WDR27: variants seen among roughly 807,000 people sequenced by gnomAD.
WDR27 encodes the protein WD repeat domain 27.
WDR27 carries 100 observed loss-of-function variants against 114.4 expected under a neutral mutation model. The ratio of observed to expected loss-of-function variants is 0.87; its 90% confidence interval spans 0.74 to 1.03. WDR27 has a LOEUF of 1.03. Among genes scored for constraint, WDR27 ranks in the 50% least tolerant of loss-of-function variants. WDR27 has a pLI of 0.00. For missense variants in WDR27, 1,129 were observed against 1,092.9 expected (o/e 1.03, Z -0.47); for synonymous variants, 449 against 423.1 (o/e 1.06, Z -0.75).
chr6:169,457,968 C>T (rs1784460940), intron 25 of WDR27, among the ~76,000 whole-genome samples: 1 of 35,734 alleles, frequency 2.8e-5, no homozygotes. Flanking sequence ...GGAGAGCACT[C>T]CTGACGGAGG....
At chr6:169,604,113 G>A (rs1289667201) in intron 22 of WDR27, among the ~76,000 whole-genome samples, 1 of 151,986 alleles carries the variant, frequency 6.6e-6, no homozygotes, top group Non-Finnish European at 1.5e-5. Flanking sequence ...AAAGACCAGA[G>A]CAGAATTAAA....
chr6:169,655,851 C>T (rs1824029840), intron 13 of WDR27, among the ~76,000 whole-genome samples: 1 of 152,218 alleles, frequency 6.6e-6, no homozygotes, highest in African/African-American at 2.4e-5. Context: ...TCCTGAGTAG[C>T]TGGGACTACA....
chr6:169,550,864 C>T (rs922202546), intron 25 of WDR27, among the ~76,000 whole-genome samples: 5 of 152,110 alleles, frequency 3.3e-5, no homozygotes, highest in South Asian at 2.1e-4. Flanking sequence ...CACAGGCATG[C>T]GCCACCACGC....
At chr6:169,656,686 G>A (rs1824296735) in intron 13 of WDR27, among the ~76,000 whole-genome samples, 1 of 152,148 alleles carries the variant, frequency 6.6e-6, no homozygotes, top group African/African-American at 2.4e-5. Context: ...CCCAGGAGGA[G>A]GCGACAGCTC....
In WDR27 at chr6:169,510,215, T is replaced by C. The variant is rs529038219; in HGVS notation, c.2646-52581A>G. Among the ~76,000 whole-genome samples, 208 of 152,264 alleles carry C rather than the reference T, an allele frequency of 1.4e-3. 4 individuals are homozygous for C. The East Asian group carries it at 0.032, about 24-fold the overall frequency. ...AAACTAGTTCAACCATTGTGGAAGT[T>C]GGCGTGGCAATTCCTCAGGGATCTA... On this transcript the variant is annotated intron_variant, in intron 25 of 25. Transcript: ENST00000448612.
chr6:169,583,338 C>G (rs1456634550), intron 23 of WDR27, among the ~76,000 whole-genome samples: 1 of 150,994 alleles, frequency 6.6e-6, no homozygotes, highest in Non-Finnish European at 1.5e-5. Flanking sequence ...ATTGTCCTCC[C>G]CCATAAACTT....
At position 169,636,402 on chromosome 6, in the gene WDR27, G is replaced by A. The variant is rs866775580; in HGVS notation, c.1972C>T (p.His658Tyr). 6.2e-7 allele frequency: 1 copy of A among 1,613,900 alleles called. No homozygotes were observed. The highest frequency in any genetic ancestry group is 8.5e-7 in the Non-Finnish European group (1 of 1,179,842). ...SGPEFQLLRY[H>Y]IDTCKDEIKR... is the part of the protein sequence containing the mutation. ...ATCTCATCTTTGCAAGTGTCAATGT[G>A]ATACCTCAGTAGCTGAAATTCAGGG... The change falls in exon 19 of 26, where the codon CAC becomes TAC. Residue 658 changes from histidine to tyrosine, a missense_variant. Physicochemically the swap from His to Tyr is moderately conservative, Grantham distance 83. Coordinates refer to ENST00000448612, the MANE Select transcript of WDR27 (RefSeq NM_182552.5).
intron 14 of WDR27, 58 bp from the exon 15 acceptor site, chr6:169,649,333 G>A (rs1423597418): frequency 4.0e-5 from 56 of 1,407,944 alleles, no homozygotes; most frequent in Non-Finnish European, 5.4e-5. Context: ...AGTTTCTTAA[G>A]AGATTTATAT....
chr6:169,511,810 T>TA (rs1792932037), intron 25 of WDR27, among the ~76,000 whole-genome samples: 2 of 152,202 alleles, frequency 1.3e-5, no homozygotes, highest in Admixed American at 1.3e-4. Flanking sequence ...TTATCATTCA[T>TA]AAAAAATTGA....
intron 25 of WDR27, among the ~76,000 whole-genome samples, chr6:169,534,714 T>C (rs1283920238): frequency 1.3e-5 from 2 of 151,900 alleles, no homozygotes; most frequent in African/African-American, 4.8e-5. Context: ...TTTTAAAATC[T>C]CTATAAAGTT....
At chr6:169,536,292 G>T (rs1047699012) in intron 25 of WDR27, among the ~76,000 whole-genome samples, 1 of 152,062 alleles carries the variant, frequency 6.6e-6, no homozygotes, top group African/African-American at 2.4e-5. Context: ...TAACAGCAAG[G>T]ACACCCCACT....
At chr6:169,488,780 C>T (rs1364585770) in intron 25 of WDR27, among the ~76,000 whole-genome samples, 1 of 152,144 alleles carries the variant, frequency 6.6e-6, no homozygotes, top group African/African-American at 2.4e-5. Flanking sequence ...CAAGCCAGAG[C>T]TCCCAGTCAC....
chr6:169,623,489 C>A (rs1218997143), intron 21 of WDR27, among the ~76,000 whole-genome samples: 1 of 152,178 alleles, frequency 6.6e-6, no homozygotes, highest in East Asian at 1.9e-4. Flanking sequence ...GGCGGTTACC[C>A]CAGTGGCTCA....
At chr6:169,685,184 C>T (rs780945869) in intron 2 of WDR27, among the ~76,000 whole-genome samples, 7 of 151,852 alleles carry the variant, frequency 4.6e-5, no homozygotes, top group Admixed American at 2.0e-4. Flanking sequence ...CCCTATGAAA[C>T]GTGCTCCATA....
chr6:169,478,624 C>G (rs1310040919), intron 25 of WDR27, among the ~76,000 whole-genome samples: 1 of 151,726 alleles, frequency 6.6e-6, no homozygotes, highest in African/African-American at 2.4e-5. Context: ...ACAAAGCAAT[C>G]TTAAAAAGCA....
At position 169,497,623 on chromosome 6, in the gene WDR27, C is replaced by T. The variant is rs1032253813; in HGVS notation, c.2646-39989G>A. On this transcript the variant is annotated intron_variant, in intron 25 of 25. Transcript: ENST00000448612. ...AATAGACATTTCTCCAAAGAAGATA[C>T]ACAAATGTCCAAGAAGTGCATGAAA... Among the ~76,000 whole-genome samples, 4 of 151,062 alleles carry T rather than the reference C, an allele frequency of 2.6e-5. No individual in the cohort carries two copies. The East Asian group carries it at 7.7e-4, about 29-fold the overall frequency.
At chr6:169,589,469 G>A (rs79102631) in intron 23 of WDR27, among the ~76,000 whole-genome samples, 2,072 of 152,296 alleles carry the variant, frequency 0.014, 52 homozygotes, top group African/African-American at 0.048. Context: ...CCATTTGCAT[G>A]AAACCTCAAA....
At chr6:169,650,643 T>TC (rs1400108818) in intron 14 of WDR27, among the ~76,000 whole-genome samples, 1 of 136,052 alleles carries the variant, frequency 7.4e-6, no homozygotes, top group African/African-American at 2.8e-5. Flanking sequence ...CTCTTATCCC[T>TC]CCATCCCCAC....
At chr6:169,444,137 C>T in the WDR27 span, among the ~76,000 whole-genome samples, 1 of 150,618 alleles carries the variant, frequency 6.6e-6, no homozygotes, top group South Asian at 2.1e-4. Flanking sequence ...TCCATCCCCA[C>T]AAGCACAGGT....
Sources: allele counts gnomAD v4.1 joint callset (sites outside exome capture counted in the v4.1 genomes callset), GRCh38; gene constraint gnomAD v4.1.1; transcripts MANE v1.5; gene names NCBI Gene and HGNC (gene_info 2026-07-23, HGNC 2026-07-21).